The following ARSB variants were observed in gnomAD, a reference collection of about 807,000 sequenced individuals.
ARSB encodes arylsulfatase B, also known as N-acetylgalactosamine-4-sulfatase.
Under a neutral mutation model 50.9 loss-of-function variants are expected in ARSB, and 41 were observed. The observed-to-expected ratio is 0.81, with a 90% CI of 0.63 to 1.04. The LOEUF is 1.04. Among genes scored for constraint, ARSB ranks in the 50% least tolerant of loss-of-function variants. The probability of loss-of-function intolerance (pLI) is 0.00; values close to 1 mark genes in which losing one functional copy is unlikely to be tolerated. For missense variants in ARSB, 672 were observed against 693.3 expected, an observed-to-expected ratio of 0.97 and a Z score of 0.35; for synonymous variants, 269 against 284.8, an observed-to-expected ratio of 0.94 and a Z score of 0.56.
intron 6 of ARSB, among the ~76,000 whole-genome samples, chr5:78,795,558 C>T (rs969126761): frequency 6.6e-6 from 1 of 152,218 alleles, no homozygotes; most frequent in African/African-American, 2.4e-5. Flanking sequence ...AAATACTTCC[C>T]TCATTTCTGA....
intron 6 of ARSB, among the ~76,000 whole-genome samples, chr5:78,823,786 C>T (rs928312107): frequency 3.3e-5 from 5 of 152,178 alleles, no homozygotes; most frequent in African/African-American, 1.2e-4. Flanking sequence ...CATCATGTTA[C>T]TTTAGGATCA....
chr5:78,878,655 A>G (rs1747599168), intron 5 of ARSB, among the ~76,000 whole-genome samples: 2 of 151,762 alleles, frequency 1.3e-5, no homozygotes, highest in East Asian at 3.9e-4. Context: ...TGGCATCTGT[A>G]AAATTGAGGT....
At chr5:78,961,430 T>C (rs903898961) in intron 3 of ARSB, among the ~76,000 whole-genome samples, 6 of 152,194 alleles carry the variant, frequency 3.9e-5, no homozygotes, top group Non-Finnish European at 8.8e-5. Flanking sequence ...TCAGACACAA[T>C]AGGAAAATGA....
At chr5:78,867,704 G>A (rs1021765574) in intron 5 of ARSB, among the ~76,000 whole-genome samples, 1 of 152,072 alleles carries the variant, frequency 6.6e-6, no homozygotes, top group Non-Finnish European at 1.5e-5. Flanking sequence ...AAACCACAAA[G>A]GTGGGGAAAA....
At chr5:78,901,200 C>A (rs1748790228) in intron 4 of ARSB, among the ~76,000 whole-genome samples, 1 of 152,104 alleles carries the variant, frequency 6.6e-6, no homozygotes, top group Non-Finnish European at 1.5e-5. Flanking sequence ...ATCTTCAGGT[C>A]AGTTTATCAG....
At chr5:78,809,008 G>A (rs573812177) in intron 6 of ARSB, among the ~76,000 whole-genome samples, 3 of 152,276 alleles carry the variant, frequency 2.0e-5, no homozygotes, top group South Asian at 2.1e-4. Flanking sequence ...CTCAGATAAC[G>A]GATTTGCAAA....
At chr5:78,806,255 TCACA>T (rs1743557794) in intron 6 of ARSB, among the ~76,000 whole-genome samples, 2 of 152,180 alleles carry the variant, frequency 1.3e-5, no homozygotes, top group South Asian at 4.1e-4. Context: ...AATAACAAAG[TCACA>T]GTGTCCCCTG....
chr5:78,851,673 T>C (rs62377542), intron 5 of ARSB, among the ~76,000 whole-genome samples: 19,303 of 152,116 alleles, frequency 0.13, 1,417 homozygotes, highest in Middle Eastern at 0.21. Flanking sequence ...TAAAGTCTCC[T>C]ATTATTATTG....
intron 4 of ARSB, among the ~76,000 whole-genome samples, chr5:78,909,898 C>T (rs989933711): frequency 6.6e-6 from 1 of 152,224 alleles, no homozygotes; most frequent in African/African-American, 2.4e-5. Flanking sequence ...CGGTATAAAA[C>T]CCGATTGTAC....
chr5:78,920,659 G>A (rs1749766546), intron 4 of ARSB, among the ~76,000 whole-genome samples: 1 of 128,342 alleles, frequency 7.8e-6, no homozygotes, highest in African/African-American at 3.0e-5. Context: ...AGCATCCCTC[G>A]GCACCTGGAC....
At chr5:78,879,571 G>C (rs766461828) in intron 5 of ARSB, among the ~76,000 whole-genome samples, 19 of 152,118 alleles carry the variant, frequency 1.2e-4, no homozygotes, top group Non-Finnish European at 2.5e-4. Context: ...CCTATTTCAC[G>C]AGCCTCTTCA....
intron 6 of ARSB, among the ~76,000 whole-genome samples, chr5:78,807,636 T>C (rs1222640609): frequency 1.3e-5 from 2 of 152,170 alleles, no homozygotes; most frequent in Non-Finnish European, 2.9e-5. Flanking sequence ...GGGAAGGCCT[T>C]TTAAGAAGGT....
intron 4 of ARSB, among the ~76,000 whole-genome samples, chr5:78,929,366 T>C (rs1750207740): frequency 6.6e-6 from 1 of 152,152 alleles, no homozygotes; most frequent in Non-Finnish European, 1.5e-5. Context: ...GGATGGATCA[T>C]GGCCTCAGAC....
chr5:78,832,188 T>C (rs1744723661), intron 6 of ARSB, among the ~76,000 whole-genome samples: 1 of 152,102 alleles, frequency 6.6e-6, no homozygotes, highest in Admixed American at 6.6e-5. Flanking sequence ...CAGAGAGGGC[T>C]TCACGGAGGA....
chr5:78,862,699 G>A (rs1192011562), intron 5 of ARSB, among the ~76,000 whole-genome samples: 1 of 152,166 alleles, frequency 6.6e-6, no homozygotes, highest in African/African-American at 2.4e-5. Context: ...CATGGGCAAG[G>A]ACTTCACGTC....
Position 78,885,209 on chromosome 5 carries a change from T to C in ARSB, c.1142+375A>G, listed in dbSNP as rs1475843926. On this transcript the variant is annotated intron_variant, in intron 5 of 7. Transcript: ENST00000264914. ...AAATAAACATATCCCTAGTTCCTAT[T>C]CCAGCTTTTTCCCTGCTGTTTTGTC... is the stretch of plus-strand genomic sequence containing the variant. 17 of 303,614 alleles carry C rather than the reference T, an allele frequency of 5.6e-5. No homozygotes were observed. In the East Asian group the frequency reaches 8.8e-4, roughly 16 times the overall value. The allele number at this position is 303,614 out of a possible 1,614,324, so 18.8% of individuals were successfully genotyped here. A position where few individuals can be genotyped will look rare whatever the true frequency, so the allele number is the denominator to read the frequency against.
intron 6 of ARSB, among the ~76,000 whole-genome samples, chr5:78,796,304 G>C (rs987211088): frequency 2.0e-5 from 3 of 152,216 alleles, no homozygotes; most frequent in Non-Finnish European, 2.9e-5. Context: ...AGTTCAGCAG[G>C]TAATAATAAA....
chr5:78,881,963 A>C (rs1747767011), intron 5 of ARSB, among the ~76,000 whole-genome samples: 1 of 152,262 alleles, frequency 6.6e-6, no homozygotes, highest in African/African-American at 2.4e-5. Flanking sequence ...CAAAGTATGG[A>C]CAGCCATATA....
chr5:78,868,374 G>C (rs1746921366), intron 5 of ARSB, among the ~76,000 whole-genome samples: 1 of 88,422 alleles, frequency 1.1e-5, no homozygotes, highest in South Asian at 4.4e-4. Context: ...ATTCACCAAA[G>C]TTGAAATGAA....
Sources: gnomAD v4.1 joint callset for allele counts (sites outside exome capture counted in the v4.1 genomes callset) on GRCh38, gnomAD v4.1.1 for gene constraint, MANE v1.5 for transcripts, NCBI Gene and HGNC (gene_info 2026-07-23, HGNC 2026-07-21) for gene names.